CARD18: variants seen among roughly 807,000 people sequenced by gnomAD.
The protein encoded by CARD18 is caspase recruitment domain-containing protein 18.
A neutral mutation model predicts 7.9 loss-of-function variants in CARD18; 7 were observed. The observed-to-expected ratio is 0.88, with a 90% CI of 0.50 to 1.66. CARD18 has a LOEUF of 1.66. Among genes scored for constraint, CARD18 ranks in the 40% most tolerant of loss-of-function variants. The pLI, the probability that CARD18 is intolerant of heterozygous loss-of-function variation, is 0.00. For synonymous variants in CARD18, 34 were observed against 34.8 expected (o/e 0.98, Z 0.08); for missense variants, 134 against 105.5 (o/e 1.27, Z -1.18).
chr11:105,138,486 G>C (rs1294200051), intron 2 of CARD18, among the ~76,000 whole-genome samples: 1 of 152,052 alleles, frequency 6.6e-6, no homozygotes, highest in South Asian at 2.1e-4. Flanking sequence ...GCTCAAGAGG[G>C]AGTGATATTG....
intron 2 of CARD18, among the ~76,000 whole-genome samples, chr11:105,138,513 A>G (rs891000667): frequency 3.7e-4 from 57 of 152,190 alleles, no homozygotes; most frequent in African/African-American, 1.3e-3. Context: ...GCTCCCCAGG[A>G]CCATTAAAAG....
chr11:105,139,573 G>A, intron 1 of CARD18, 147 bp downstream of exon 1: 1 of 773,328 alleles, frequency 1.3e-6, no homozygotes, highest in Non-Finnish European at 2.1e-6. Flanking sequence ...GCAAGTCTGG[G>A]CATCTTCCCA....
intron 1 of CARD18, 131 bp downstream of exon 1, chr11:105,139,589 C>T (rs991754196): frequency 4.4e-6 from 4 of 904,852 alleles, no homozygotes; most frequent in Admixed American, 4.2e-5. Flanking sequence ...TCCCACCCTG[C>T]CTCTCCCTTC....
chr11:105,139,127 C>A, intron 1 of CARD18, 49 bp from the exon 2 acceptor site: 1 of 1,573,784 alleles, frequency 6.4e-7, no homozygotes, highest in East Asian at 2.2e-5. Flanking sequence ...ACACAATTTC[C>A]CTCTCAATTT....
rs746029627 is a variant in CARD18, at chr11:105,139,118, C to A, written c.8-40G>T. The A allele has an allele frequency of 3.2e-6, 5 of 1,586,126 alleles. No individual in the cohort carries two copies. The African/African-American group carries it at 6.8e-5, about 21-fold the overall frequency. On this transcript the variant is annotated intron_variant, in intron 1 of 2. Coordinates refer to ENST00000530950, the MANE Select transcript of CARD18 (RefSeq NM_021571.4). ...AAGATTCCTCAAATAATGAACATGA[C>A]ACAATTTCCCTCTCAATTTACCAAC...
intron 1 of CARD18, 192 bp downstream of exon 1, chr11:105,139,528 T>G: frequency 1.7e-6 from 1 of 601,172 alleles, no homozygotes; most frequent in Non-Finnish European, 2.9e-6. Context: ...TCCCAGATTC[T>G]TCCTGGCCTT....
chr11:105,139,676 C>T, intron 1 of CARD18, 44 bp downstream of exon 1: 1 of 1,596,804 alleles, frequency 6.3e-7, no homozygotes, highest in Non-Finnish European at 8.5e-7. Context: ...CTTTCCCAAA[C>T]TAATTCCTCC....
chr11:105,139,402 T>A (rs1865446077), intron 1 of CARD18: 6 of 537,192 alleles, frequency 1.1e-5, no homozygotes, highest in South Asian at 2.7e-5. Flanking sequence ...GGGAATTGAC[T>A]GTTTCCTTTG....
Position 105,139,024 on chromosome 11 carries a change from G to T in CARD18, c.62C>A (p.Thr21Lys), listed in dbSNP as rs375563255. Reference protein sequence around the residue: ...RIFIHSVGAGTINALLDCLLE... With the variant: ...RIFIHSVGAGKINALLDCLLE... The stretch of plus-strand genomic sequence containing the variant: ...TAGGCAATCCAGCAAGGCATTTATT[G>T]TGCCTGCACCCACTGAATGGATAAA... The change falls in exon 2 of 3, where the codon ACA becomes AAA. Residue 21 changes from threonine (T) to lysine (K), a missense_variant. Physicochemically the swap from Thr to Lys is moderately conservative, Grantham distance 78 (BLOSUM62 -1). Transcript: ENST00000530950. 1.2e-6 allele frequency: 2 copies of T among 1,613,488 alleles called. No individual in the cohort carries two copies. Among genetic ancestry groups the T allele is most frequent in the East Asian group, 4.5e-5 (2 of 44,858 alleles).
chr11:105,139,307 C>A (rs1865444968), intron 1 of CARD18: 2 of 566,188 alleles, frequency 3.5e-6, no homozygotes, highest in Admixed American at 6.8e-5. Context: ...TTCTGTGAAT[C>A]TCCTAAAAAT....
chr11:105,138,718 C>CCTAT (rs1446684486), intron 2 of CARD18, 94 bp downstream of exon 2: 11 of 1,355,142 alleles, frequency 8.1e-6, no homozygotes, highest in Non-Finnish European at 1.1e-5. Context: ...TGATAGGAAC[C>CCTAT]CTATTATCAA....
At chr11:105,138,753 A>C in intron 2 of CARD18, 59 bp downstream of exon 2, 1 of 1,567,230 alleles carries the variant, frequency 6.4e-7, no homozygotes. Context: ...GAAGAAAATC[A>C]TAACTGAATT....
Position 105,138,828 on chromosome 11 carries a change from C to T in CARD18, c.258G>A (p.Lys86=). The change falls in exon 2 of 3, where the codon AAG becomes AAA. Residue 86 remains lysine, a synonymous_variant. Transcript: ENST00000530950. ...CCACCTTACCTTAGTGCAAACCCAT[C>T]TTTGAGGCAAGTTGAGGGTCTTCTT... ...LCEEDPQLAS[K]MGLH is the part of the protein sequence containing the mutation. 2 of 1,613,574 alleles carry T rather than the reference C, an allele frequency of 1.2e-6. No individual in the cohort carries two copies. Among genetic ancestry groups the T allele is most frequent in the Non-Finnish European group, 8.5e-7 (1 of 1,179,618 alleles).
Position 105,139,755 on chromosome 11 carries a change from T to C in CARD18, c.-29A>G. The C allele has an allele frequency of 1.3e-6, 2 of 1,598,172 alleles. No homozygotes were observed. The highest frequency in any genetic ancestry group is 1.7e-6 in the Non-Finnish European group (2 of 1,178,764). On this transcript the variant is annotated 5_prime_UTR_variant, in exon 1 of 3. Transcript: ENST00000530950. ...TCCTCACGTTGGCACTTGCAATGTG[T>C]GTTACACTTGCAATGACAGGCAAGG...
chr11:105,138,830 T>G lies in CARD18; in HGVS notation c.256A>C (p.Lys86Gln). ...ACCTTACCTTAGTGCAAACCCATCT[T>G]TGAGGCAAGTTGAGGGTCTTCTTCA... ...LCEEDPQLAS[K>Q]MGLH Residue 86 changes from lysine (K) to glutamine (Q), a missense_variant, in exon 2 of 3, where the codon AAG (lysine) becomes CAG (glutamine). Coordinates refer to ENST00000530950, the MANE Select transcript of CARD18 (RefSeq NM_021571.4). The G allele has an allele frequency of 6.2e-7, 1 of 1,613,652 alleles. No individual in the cohort carries two copies. The highest frequency in any genetic ancestry group is 1.7e-4 in the Middle Eastern group (1 of 6,054).
At chr11:105,138,752 C>A in intron 2 of CARD18, 60 bp downstream of exon 2, 5 of 1,564,864 alleles carry the variant, frequency 3.2e-6, no homozygotes, top group Non-Finnish European at 4.4e-6. Flanking sequence ...TGAAGAAAAT[C>A]ATAACTGAAT....
At chr11:105,138,146 G>A (rs928768708) in intron 2 of CARD18, 48 bp from the exon 3 acceptor site, 13 of 152,090 alleles carry the variant, frequency 8.5e-5, no homozygotes, top group Admixed American at 3.3e-4. Context: ...TCAGATACAA[G>A]AGCCTGCATC....
chr11:105,138,817 T>A lies in CARD18; in HGVS notation c.269A>T (p.His90Leu). The change falls in exon 2 of 3, where the codon CAC becomes CTC. Residue 90 changes from histidine (H) to leucine (L), a missense_variant. Physicochemically the swap from His to Leu is moderately conservative, Grantham distance 99 (BLOSUM62 -3). Transcript: ENST00000530950. Reference protein sequence around the residue: ...DPQLASKMGLH With the variant: ...DPQLASKMGLL ...GTTGAATCATTCCACCTTACCTTAG[T>A]GCAAACCCATCTTTGAGGCAAGTTG... The A allele has an allele frequency of 6.2e-7, 1 of 1,613,536 alleles. No homozygotes were observed. Among genetic ancestry groups the A allele is most frequent in the Non-Finnish European group, 8.5e-7 (1 of 1,179,590 alleles).
In CARD18 at chr11:105,138,800, A is replaced by G. The variant is rs1190685418; in HGVS notation, c.*1+12T>C. The stretch of plus-strand genomic sequence containing the variant: ...GCCTATTTGGACATTAGGTTGAATC[A>G]TTCCACCTTACCTTAGTGCAAACCC... On this transcript the variant is annotated intron_variant, in intron 2 of 2. Coordinates refer to ENST00000530950, the MANE Select transcript of CARD18 (RefSeq NM_021571.4). 3.1e-6 allele frequency: 5 copies of G among 1,612,654 alleles called. No homozygotes were observed. In the African/African-American group the frequency reaches 5.3e-5, roughly 17 times the overall value.
Sources: gnomAD v4.1 joint callset for allele counts (sites outside exome capture counted in the v4.1 genomes callset) on GRCh38, gnomAD v4.1.1 for gene constraint, MANE v1.5 for transcripts, NCBI Gene and HGNC (gene_info 2026-07-23, HGNC 2026-07-21) for gene names.